Variants in MINDY2 observed in about 807,000 individuals in gnomAD.
MINDY2 encodes the protein MINDY lysine 48 deubiquitinase 2, also known as ubiquitin carboxyl-terminal hydrolase MINDY-2.
Under a neutral mutation model 68.2 loss-of-function variants are expected in MINDY2, and 52 were observed. The observed-to-expected ratio is 0.76, with a 90% confidence interval of 0.61 to 0.96. The LOEUF is 0.96. Ranked by LOEUF, MINDY2 falls within the 40% of genes least tolerant of loss-of-function variation. The pLI is 0.00. For synonymous variants in MINDY2, 372 were observed against 303.0 expected, an observed-to-expected ratio of 1.23 and a Z score of -2.36; for missense variants, 881 against 773.4, an observed-to-expected ratio of 1.14 and a Z score of -1.65.
chr15:58,839,575 A>G (rs973296761), intron 6 of MINDY2, among the ~76,000 whole-genome samples: 1 of 151,934 alleles, frequency 6.6e-6, no homozygotes, highest in Non-Finnish European at 1.5e-5. Context: ...CAGATGATCC[A>G]CCCACCTTGG....
Position 58,771,623 on chromosome 15 carries a change from C to A in MINDY2, c.228C>A (p.Pro76=). 1 of 1,612,266 alleles carries A rather than the reference C, an allele frequency of 6.2e-7. No individual in the cohort carries two copies. Among genetic ancestry groups the A allele is most frequent in the Non-Finnish European group, 8.5e-7 (1 of 1,179,840 alleles). ...CTCCCGCGGGCTCTCCTGAGGTTCC[C>A]GGACCCTGCAGCTCCTCCGCGGGTT... is the stretch of plus-strand genomic sequence containing the variant. The part of the protein sequence containing the change: ...SASPAGSPEV[P]GPCSSSAGLD... The change falls in exon 1 of 9, where the codon CCC becomes CCA. Residue 76 remains proline (P), a synonymous_variant. Transcript: ENST00000559228.
In MINDY2 at chr15:58,771,612, C is replaced by T; in HGVS notation, c.217C>T (p.Pro73Ser). The T allele has an allele frequency of 1.2e-6, 2 of 1,612,092 alleles. No homozygotes were observed. Among genetic ancestry groups the T allele is most frequent in the Non-Finnish European group, 1.7e-6 (2 of 1,179,804 alleles). ...GGACTCGGCTTCTCCCGCGGGCTCT[C>T]CTGAGGTTCCCGGACCCTGCAGCTC... is the stretch of plus-strand genomic sequence containing the variant. ...LPDSASPAGS[P>S]EVPGPCSSSA... Residue 73 changes from proline to serine, a missense_variant, in exon 1 of 9, where the codon CCT becomes TCT. Transcript: ENST00000559228.
At chr15:58,783,238 A>G (rs780307827) in intron 1 of MINDY2, among the ~76,000 whole-genome samples, 3 of 151,992 alleles carry the variant, frequency 2.0e-5, no homozygotes, top group Non-Finnish European at 2.9e-5. Context: ...TCTTTTTTCT[A>G]AAGAGCAGAG....
At chr15:58,802,119 A>G (rs770866408) in intron 2 of MINDY2, among the ~76,000 whole-genome samples, 194 bp from the exon 3 acceptor site, 3 of 152,164 alleles carry the variant, frequency 2.0e-5, no homozygotes, top group Non-Finnish European at 4.4e-5. Context: ...GCACTATAGT[A>G]TATACATTGA....
intron 2 of MINDY2, among the ~76,000 whole-genome samples, chr15:58,792,995 C>A (rs1244894848): frequency 6.6e-6 from 1 of 151,714 alleles, no homozygotes; most frequent in Non-Finnish European, 1.5e-5. Context: ...GAGCAAGAAC[C>A]TTATCTCTAA....
At chr15:58,842,882 T>A (rs1414453135) in intron 6 of MINDY2, among the ~76,000 whole-genome samples, 1 of 152,166 alleles carries the variant, frequency 6.6e-6, no homozygotes, top group African/African-American at 2.4e-5. Context: ...TATCAGCATT[T>A]CCAGTGTGAC....
chr15:58,841,171 CAG>C lies in MINDY2; in HGVS notation c.1369-6123_1369-6122del, dbSNP rs571350989. On this transcript the variant is annotated intron_variant, in intron 6 of 8. Transcript: ENST00000559228. Reference sequence around the variant, plus strand: ...TAATTTTTTGTATTTTTAGTAGAGACAGAGTTTCACCATGTTGACCAGGCTGG... The same window carrying C: ...TAATTTTTTGTATTTTTAGTAGAGACAGTTTCACCATGTTGACCAGGCTGG... 2.1e-4 allele frequency among the ~76,000 whole-genome samples: 32 copies of C among 151,562 alleles called. 1 individual carries two copies. In the South Asian group the frequency reaches 6.7e-3, roughly 32 times the overall value.
At chr15:58,842,223 T>C (rs1852651381) in intron 6 of MINDY2, among the ~76,000 whole-genome samples, 1 of 152,154 alleles carries the variant, frequency 6.6e-6, no homozygotes, top group African/African-American at 2.4e-5. Context: ...CTGAAGTATA[T>C]TCAGTCCCAA....
intron 5 of MINDY2, among the ~76,000 whole-genome samples, chr15:58,822,853 A>G (rs1298362917): frequency 6.6e-6 from 1 of 152,208 alleles, no homozygotes; most frequent in Non-Finnish European, 1.5e-5. Flanking sequence ...AAGAGAAATC[A>G]TGAGAAGTAG....
chr15:58,839,029 T>C (rs2032144697), intron 6 of MINDY2, among the ~76,000 whole-genome samples: 1 of 152,160 alleles, frequency 6.6e-6, no homozygotes, highest in Non-Finnish European at 1.5e-5. Context: ...CACCTCCAGT[T>C]TCTTTACTGG....
At chr15:58,842,153 A>G (rs1274018217) in intron 6 of MINDY2, among the ~76,000 whole-genome samples, 3 of 151,890 alleles carry the variant, frequency 2.0e-5, no homozygotes, top group African/African-American at 7.3e-5. Context: ...TACCATAGCA[A>G]CCTTTATATT....
chr15:58,825,496 A>G (rs1198482459), intron 5 of MINDY2, among the ~76,000 whole-genome samples: 1 of 152,234 alleles, frequency 6.6e-6, no homozygotes, highest in Non-Finnish European at 1.5e-5. Flanking sequence ...AGTTTAAAAA[A>G]AAGCGCAGTA....
At chr15:58,845,601 A>G (rs570281223) in intron 6 of MINDY2, among the ~76,000 whole-genome samples, 77 of 152,334 alleles carry the variant, frequency 5.1e-4, no homozygotes, top group Non-Finnish European at 8.4e-4. Context: ...GTTGATGGGA[A>G]TATAAATGAG....
intron 2 of MINDY2, among the ~76,000 whole-genome samples, chr15:58,794,860 T>G (rs1033941346): frequency 1.5e-4 from 23 of 152,006 alleles, no homozygotes; most frequent in African/African-American, 5.1e-4. Flanking sequence ...AGATAAGAAT[T>G]TAGAAGTCAT....
At chr15:58,795,640 G>GT (rs1245730640) in intron 2 of MINDY2, among the ~76,000 whole-genome samples, 2 of 152,136 alleles carry the variant, frequency 1.3e-5, no homozygotes, top group Non-Finnish European at 2.9e-5. Flanking sequence ...TCCTGACCTC[G>GT]TGATCCACCC....
intron 6 of MINDY2, among the ~76,000 whole-genome samples, chr15:58,846,640 C>T (rs1822499220): frequency 6.7e-6 from 1 of 148,994 alleles, no homozygotes; most frequent in South Asian, 2.1e-4. Flanking sequence ...CAAATACATA[C>T]ACGTACTATG....
At chr15:58,795,796 C>G (rs537578780) in intron 2 of MINDY2, among the ~76,000 whole-genome samples, 2 of 152,082 alleles carry the variant, frequency 1.3e-5, no homozygotes, top group Non-Finnish European at 2.9e-5. Context: ...GCCACCCTCC[C>G]TCCTGCACCA....
chr15:58,821,433 A>G (rs1020586128), intron 4 of MINDY2, among the ~76,000 whole-genome samples: 1 of 151,914 alleles, frequency 6.6e-6, no homozygotes, highest in South Asian at 2.1e-4. Context: ...ACTTAAATAC[A>G]TGTTTATGAC....
intron 6 of MINDY2, among the ~76,000 whole-genome samples, chr15:58,832,652 C>T (rs958614038): frequency 2.6e-5 from 4 of 151,776 alleles, no homozygotes; most frequent in Admixed American, 1.3e-4. Flanking sequence ...CTCAGCCTCC[C>T]GAGTAGCTGG....
Sources: gnomAD v4.1 joint callset for allele counts (sites outside exome capture counted in the v4.1 genomes callset) on GRCh38, gnomAD v4.1.1 for gene constraint, MANE v1.5 for transcripts, NCBI Gene and HGNC (gene_info 2026-07-23, HGNC 2026-07-21) for gene names.